Variants in ATP8B1 observed in about 807,000 individuals in gnomAD.
The protein encoded by ATP8B1 is ATPase phospholipid transporting 8B1.
ATP8B1 carries 80 observed loss-of-function variants against 149.9 expected under a neutral mutation model. The observed-to-expected ratio is 0.53, with a 90% CI of 0.45 to 0.64. The LOEUF is 0.64. Among genes scored for constraint, ATP8B1 ranks in the 30% least tolerant of loss-of-function variants. The pLI, the probability that ATP8B1 is intolerant of heterozygous loss-of-function variation, is 0.00. For missense variants in ATP8B1, 1,247 were observed against 1,552.6 expected, an observed-to-expected ratio of 0.80 and a Z score of 3.31; for synonymous variants, 536 against 562.8, an observed-to-expected ratio of 0.95 and a Z score of 0.67.
intron 1 of ATP8B1, among the ~76,000 whole-genome samples, chr18:57,734,477 CAATGA>C (rs1380026032): frequency 1.3e-5 from 2 of 152,142 alleles, no homozygotes; most frequent in Non-Finnish European, 1.5e-5. Flanking sequence ...AATAAGTATT[CAATGA>C]ACATTAACTG....
chr18:57,650,377 T>C lies in ATP8B1; in HGVS notation c.3521A>G (p.Glu1174Gly). ...RFLSMTIWPS[E>G]SDKIQKHRKR... is the part of the protein sequence containing the mutation. ...CTATATTCTTTATACCTTATCACTT[T>C]CTGATGGCCAGATGGTCATTGACAG... The change falls in exon 27 of 28, where the codon GAA becomes GGA. Residue 1174 changes from glutamate to glycine, a missense_variant. Physicochemically the swap from Glu to Gly is moderately conservative, Grantham distance 98. Coordinates refer to ENST00000648908, the MANE Select transcript of ATP8B1 (RefSeq NM_001374385.1). 1 of 1,613,606 alleles carries C rather than the reference T, an allele frequency of 6.2e-7. No individual in the cohort carries two copies. Among genetic ancestry groups the C allele is most frequent in the South Asian group, 1.1e-5 (1 of 91,084 alleles).
chr18:57,784,141 G>T lies in ATP8B1; in HGVS notation c.-26+18857C>A, dbSNP rs62092651. Among the ~76,000 whole-genome samples the T allele has an allele frequency of 0.25, 37,638 of 152,134 alleles. 5,716 individuals carry two copies. The highest frequency in any genetic ancestry group is 0.35 in the Non-Finnish European group (24,096 of 67,976). ...GAGGAAGAGCTTTTCAAGCGAGAAA[G>T]CAGCAAATCTGAAGTTCCTGGGACA... On this transcript the variant is annotated intron_variant, in intron 1 of 27. Coordinates refer to ENST00000648908, the MANE Select transcript of ATP8B1 (RefSeq NM_001374385.1). The surrounding 1 kb of genome is among the most constrained non-coding windows in gnomAD (Gnocchi z 4.4).
At chr18:57,786,453 C>T (rs1049989450) in intron 1 of ATP8B1, among the ~76,000 whole-genome samples, 3 of 152,216 alleles carry the variant, frequency 2.0e-5, no homozygotes, top group Non-Finnish European at 4.4e-5. Context: ...AACCCCAGAG[C>T]TTCTGAGTCA....
intron 13 of ATP8B1, among the ~76,000 whole-genome samples, chr18:57,685,438 C>T (rs1193059502): frequency 3.3e-5 from 5 of 152,122 alleles, no homozygotes; most frequent in East Asian, 1.9e-4. Context: ...TTCACTGATA[C>T]TTCTTATGAG....
In ATP8B1 at chr18:57,661,054, A is replaced by G. The variant is rs1327127610; in HGVS notation, c.2707+120T>C. The G allele has an allele frequency of 3.0e-6, 4 of 1,342,922 alleles. No homozygotes were observed. In the Admixed American group the frequency reaches 7.9e-5, roughly 27 times the overall value. 83.2% of individuals were successfully genotyped at this position (1,342,922 alleles called of 1,614,324 possible). ...TCATGGTTAAGTGACTTTATGAAAC[A>G]TCTGCTCTATGAAAACCTAAGCTGT... On this transcript the variant is annotated intron_variant, in intron 22 of 27. Transcript: ENST00000648908.
intron 1 of ATP8B1, among the ~76,000 whole-genome samples, chr18:57,789,927 C>A (rs2080445737): frequency 6.6e-6 from 1 of 152,138 alleles, no homozygotes; most frequent in African/African-American, 2.4e-5. Context: ...TGTTGCAATT[C>A]CCAAAACTGT....
rs571205756 is a variant in ATP8B1, at chr18:57,704,945, G to A, written c.280-277C>T. ...CTAAAAATACAAAAATTAGCCAGGCGTGGTGGCCTGCACCTGTAATCCCAG... is the reference window on the plus strand; with the variant it reads ...CTAAAAATACAAAAATTAGCCAGGCATGGTGGCCTGCACCTGTAATCCCAG... On this transcript the variant is annotated intron_variant, in intron 3 of 27. Coordinates refer to ENST00000648908, the MANE Select transcript of ATP8B1 (RefSeq NM_001374385.1). 1.2e-4 allele frequency among the ~76,000 whole-genome samples: 18 copies of A among 152,262 alleles called. No homozygotes were observed. The South Asian group carries it at 1.2e-3, about 11-fold the overall frequency.
intron 1 of ATP8B1, among the ~76,000 whole-genome samples, chr18:57,762,255 C>T (rs565348867): frequency 6.6e-6 from 1 of 152,028 alleles, no homozygotes; most frequent in African/African-American, 2.4e-5. Flanking sequence ...TCTCCTGCCT[C>T]AGCCTCCTGA....
At chr18:57,665,611 G>A (rs317848) in intron 20 of ATP8B1, among the ~76,000 whole-genome samples, 45,887 of 151,604 alleles carry the variant, frequency 0.3, 7,543 homozygotes, top group East Asian at 0.65. Flanking sequence ...GGAGTGTAGT[G>A]GCACTATCTT....
At chr18:57,795,022 C>T (rs1270062437) in intron 1 of ATP8B1, among the ~76,000 whole-genome samples, 1 of 152,076 alleles carries the variant, frequency 6.6e-6, no homozygotes, top group Non-Finnish European at 1.5e-5. Context: ...ATACATTTTA[C>T]CAAACTGAAT....
chr18:57,792,349 C>T (rs919302794), intron 1 of ATP8B1, among the ~76,000 whole-genome samples: 3 of 151,766 alleles, frequency 2.0e-5, no homozygotes, highest in Non-Finnish European at 2.9e-5. Context: ...GGTCTTGCCA[C>T]GTTGCCCAGG....
chr18:57,698,345 T>C (rs1912933534), intron 6 of ATP8B1, among the ~76,000 whole-genome samples: 1 of 147,008 alleles, frequency 6.8e-6, no homozygotes, highest in Non-Finnish European at 1.5e-5. Flanking sequence ...ATTTATTTAT[T>C]AATTTTTTTT....
At chr18:57,778,050 T>C (rs936662151) in intron 1 of ATP8B1, among the ~76,000 whole-genome samples, 2 of 152,150 alleles carry the variant, frequency 1.3e-5, no homozygotes, top group Admixed American at 1.3e-4. Flanking sequence ...GACTTTCCAG[T>C]GATGGTCAAC....
At chr18:57,758,648 CAAAAAA>C (rs66725093) in intron 1 of ATP8B1, among the ~76,000 whole-genome samples, 1 of 105,274 alleles carries the variant, frequency 9.5e-6, no homozygotes. Context: ...AACTCTGTCT[CAAAAAA>C]AAAAAAAAAA....
intron 19 of ATP8B1, 109 bp from the exon 20 acceptor site, chr18:57,667,276 G>A: frequency 3.4e-6 from 3 of 890,458 alleles, no homozygotes; most frequent in Non-Finnish European, 3.6e-6. Flanking sequence ...GGAGTGCAGT[G>A]GCACAATCTC....
intron 1 of ATP8B1, chr18:57,734,097 G>A (rs778148517): frequency 2.6e-5 from 4 of 152,136 alleles, no homozygotes; most frequent in Admixed American, 2.0e-4. Context: ...AAGTTAATAG[G>A]TAAGTTATAA....
At chr18:57,698,775 C>A (rs1198744181) in intron 6 of ATP8B1, among the ~76,000 whole-genome samples, 1 of 152,200 alleles carries the variant, frequency 6.6e-6, no homozygotes. Context: ...TTACACAGCC[C>A]CTTCAGCCTC....
intron 1 of ATP8B1, among the ~76,000 whole-genome samples, chr18:57,781,646 T>A (rs1350920126): frequency 6.6e-6 from 1 of 152,224 alleles, no homozygotes; most frequent in Non-Finnish European, 1.5e-5. Context: ...TCTCTCACTA[T>A]AACTTAAATC....
chr18:57,745,570 C>G (rs1189135534), intron 1 of ATP8B1, among the ~76,000 whole-genome samples: 3 of 152,068 alleles, frequency 2.0e-5, no homozygotes, highest in Admixed American at 2.0e-4. Context: ...CTGCACCTGG[C>G]CACAAAATTT....
Sources: gnomAD v4.1 joint callset for allele counts (sites outside exome capture counted in the v4.1 genomes callset) on GRCh38, gnomAD v4.1.1 for gene constraint, Gnocchi (gnomAD v3.1) non-coding constraint, MANE v1.5 for transcripts, NCBI Gene and HGNC (gene_info 2026-07-23, HGNC 2026-07-21) for gene names.